CCDC183: variants seen among roughly 807,000 people sequenced by gnomAD.
CCDC183 encodes coiled-coil domain-containing protein 183.
In CCDC183, 63 loss-of-function variants were observed where a neutral mutation model predicts 65.2. That is an observed-to-expected ratio of 0.97 (90% CI 0.79 to 1.19). The LOEUF is 1.19. Ranked by LOEUF, CCDC183 falls within the 50% of genes most tolerant of loss-of-function variation. The probability of loss-of-function intolerance (pLI) is 0.00; values close to 1 mark genes in which losing one functional copy is unlikely to be tolerated. For synonymous variants in CCDC183, 323 were observed against 276.5 expected (o/e 1.17, Z -1.67); for missense variants, 769 against 689.3 (o/e 1.12, Z -1.30).
chr9:136,798,519 AC>A (rs1382035873), intron 1 of CCDC183, among the ~76,000 whole-genome samples: 5 of 151,430 alleles, frequency 3.3e-5, no homozygotes, highest in Non-Finnish European at 5.9e-5. Flanking sequence ...CTGGTCTCGA[AC>A]TCCTGACCAC....
chr9:136,804,396 C>G lies in CCDC183; in HGVS notation c.667-106C>G. Reference sequence around the variant, plus strand: ...GTGGCCATTGGCCGGGGATGCAGTTCCAAAGTCTAGTAAGGTGAGCATGGC... The same window carrying G: ...GTGGCCATTGGCCGGGGATGCAGTTGCAAAGTCTAGTAAGGTGAGCATGGC... On this transcript the variant is annotated intron_variant, in intron 6 of 13. Transcript: ENST00000338005. The surrounding 1 kb of genome is among the most constrained non-coding windows in gnomAD (Gnocchi z 4.1). The G allele has an allele frequency of 6.9e-7, 1 of 1,441,498 alleles. No individual in the cohort carries two copies. Among genetic ancestry groups the G allele is most frequent in the Non-Finnish European group, 9.2e-7 (1 of 1,083,294 alleles). The allele number at this position is 1,441,498 out of a possible 1,614,324, so 89.3% of individuals were successfully genotyped here. A position where few individuals can be genotyped will look rare whatever the true frequency, so the allele number is the denominator to read the frequency against.
chr9:136,797,439 T>G (rs1197398934), intron 1 of CCDC183, among the ~76,000 whole-genome samples: 1 of 81,738 alleles, frequency 1.2e-5, no homozygotes, highest in Non-Finnish European at 2.5e-5. Flanking sequence ...ACTTTGTGTC[T>G]TTTTTTTTTT....
intron 3 of CCDC183, 46 bp from the exon 4 acceptor site, chr9:136,799,956 C>T (rs1847710586): frequency 1.3e-6 from 2 of 1,551,176 alleles, no homozygotes; most frequent in East Asian, 2.4e-5. Flanking sequence ...GGCTCCATGG[C>T]GGCCCCCTAC....
In CCDC183 at chr9:136,803,588, C is replaced by T. The variant is rs144756984; in HGVS notation, c.666+802C>T. Among the ~76,000 whole-genome samples the T allele has an allele frequency of 3.0e-3, 451 of 152,306 alleles. 5 individuals carry two copies. In the Middle Eastern group the frequency reaches 0.078, roughly 26 times the overall value. On this transcript the variant is annotated intron_variant, in intron 6 of 13. Transcript: ENST00000338005. ...CCCTGTCCTCCTGAAGTGGGTGGCA[C>T]TCATCCAGTAGTCCATGAAGAAATG...
chr9:136,796,443 C>G lies in CCDC183; in HGVS notation c.46C>G (p.Leu16Val). 1.3e-6 allele frequency: 2 copies of G among 1,576,798 alleles called. No individual in the cohort carries two copies. The highest frequency in any genetic ancestry group is 1.7e-6 in the Non-Finnish European group (2 of 1,160,718). Residue 16 changes from leucine to valine, a missense_variant, in exon 1 of 14, where the codon CTG (leucine) becomes GTG (valine). Physicochemically the swap from Leu to Val is conservative, Grantham distance 32. Transcript: ENST00000338005. The part of the protein sequence containing the change: ...ETDVEEQTQE[L>V]KTITQLQEQC... The stretch of plus-strand genomic sequence containing the variant: ...AGATGTGGAAGAGCAGACCCAGGAG[C>G]TGAAGACCATCACTCAGCTCCAGGG...
rs1847712261 is a variant in CCDC183 at position 136,800,028 on chromosome 9, C to A, written c.297C>A (p.Tyr99Ter). 1.9e-6 allele frequency: 3 copies of A among 1,589,738 alleles called. No homozygotes were observed. Among genetic ancestry groups the A allele is most frequent in the African/African-American group, 1.3e-5 (1 of 74,642 alleles). ...TGGTGCGGGAGAAGCTGCGCAAGTA[C>A]GTCTTCGACCGCGTGAACATGCACA... ...MEVVREKLRK[Y>*]VFDRVNMHNL... Residue 99 changes from tyrosine (Y) to a stop codon, truncating the protein, a stop_gained, in exon 4 of 14, where the codon TAC (tyrosine) becomes TAA (stop). Transcript: ENST00000338005. LOFTEE classifies it high-confidence loss of function.
chr9:136,798,472 T>A (rs951838317), intron 1 of CCDC183, among the ~76,000 whole-genome samples: 10 of 151,566 alleles, frequency 6.6e-5, no homozygotes, highest in African/African-American at 2.4e-4. Context: ...TAGTTTTGTA[T>A]TTTTAGTAGA....
At position 136,807,721 on chromosome 9, in the gene CCDC183, CAAAT is replaced by C. The variant is rs1352298376; in HGVS notation, c.*35_*38del. 2 of 1,577,360 alleles carry C rather than the reference CAAAT, an allele frequency of 1.3e-6. No individual in the cohort carries two copies. The highest frequency in any genetic ancestry group is 1.7e-6 in the Non-Finnish European group (2 of 1,161,662). On this transcript the variant is annotated 3_prime_UTR_variant, in exon 14 of 14. Transcript: ENST00000338005. ...CCGCCCCGCTCCCTGCTTTGCTACA[CAAAT>C]AAACATTTTTCCAGGACTGCTGCGG...
intron 6 of CCDC183, 21 bp downstream of exon 6, chr9:136,802,807 T>TG (rs770930945): frequency 7.0e-7 from 1 of 1,432,060 alleles, no homozygotes; most frequent in Non-Finnish European, 9.2e-7. Flanking sequence ...GGCCCAGGGC[T>TG]GGGGGCCCCC....
intron 1 of CCDC183, among the ~76,000 whole-genome samples, chr9:136,797,886 T>C (rs2131126398): frequency 6.6e-6 from 1 of 152,360 alleles, no homozygotes; most frequent in South Asian, 2.1e-4. Flanking sequence ...AGTGGCATGA[T>C]CTCGGCTCAC....
At chr9:136,803,499 C>A (rs1033923621) in intron 6 of CCDC183, among the ~76,000 whole-genome samples, 4 of 152,170 alleles carry the variant, frequency 2.6e-5, no homozygotes, top group Non-Finnish European at 5.9e-5. Flanking sequence ...GTCACCTATT[C>A]ACCCAGTCTG....
Position 136,806,691 on chromosome 9 carries a change from A to T in CCDC183, c.1278+19A>T. ...GACCCAGGTACCGGGAGTGAGGCTG[A>T]GCTGCCACACACCAGGTCCCTGGGC... is the stretch of plus-strand genomic sequence containing the variant. On this transcript the variant is annotated intron_variant, in intron 11 of 13. Coordinates refer to ENST00000338005, the MANE Select transcript of CCDC183 (RefSeq NM_001039374.5). The T allele has an allele frequency of 8.1e-6, 13 of 1,613,246 alleles. No individual in the cohort carries two copies. Among genetic ancestry groups the T allele is most frequent in the Non-Finnish European group, 1.1e-5 (13 of 1,179,958 alleles).
chr9:136,807,340 G>A, intron 13 of CCDC183: 1 of 663,436 alleles, frequency 1.5e-6, no homozygotes, highest in South Asian at 1.9e-5. Context: ...GAGCAGGGAG[G>A]AGCGCGGTGA....
chr9:136,800,761 A>G (rs1395385185), intron 5 of CCDC183: 1 of 425,918 alleles, frequency 2.3e-6, no homozygotes, highest in African/African-American at 2.1e-5. Flanking sequence ...CTTGCCTGTC[A>G]TTTTCTCATT....
intron 1 of CCDC183, among the ~76,000 whole-genome samples, chr9:136,796,802 C>T (rs1188381409): frequency 6.6e-6 from 1 of 152,152 alleles, no homozygotes; most frequent in Non-Finnish European, 1.5e-5. Context: ...TCTTGATTAA[C>T]CAGGGACACA....
Position 136,805,385 on chromosome 9 carries a change from A to T in CCDC183, c.876A>T (p.Glu292Asp). The T allele has an allele frequency of 6.2e-7, 1 of 1,613,954 alleles. No individual in the cohort carries two copies. The highest frequency in any genetic ancestry group is 8.5e-7 in the Non-Finnish European group (1 of 1,179,938). The change falls in exon 9 of 14, where the codon GAA becomes GAT. Residue 292 changes from glutamate to aspartate, a missense_variant. Glu to Asp is a conservative substitution (Grantham distance 45). Coordinates refer to ENST00000338005, the MANE Select transcript of CCDC183 (RefSeq NM_001039374.5). ...KLRRKETSTA[E>D]MEYQSGVTAV... ...GGAGAAAAGAGACCTCCACAGCAGA[A>T]ATGGAATACCAGTCGGGCGTGACTG...
intron 9 of CCDC183, among the ~76,000 whole-genome samples, 180 bp from the exon 10 acceptor site, chr9:136,805,898 G>C (rs1365413795): frequency 1.3e-5 from 2 of 152,224 alleles, no homozygotes; most frequent in Non-Finnish European, 2.9e-5. Context: ...GGAAGCTGAG[G>C]TGGGAGGATC....
In CCDC183 at chr9:136,804,744, G is replaced by A. The variant is rs371803141; in HGVS notation, c.793-18G>A. The A allele has an allele frequency of 1.8e-5, 29 of 1,604,184 alleles. No homozygotes were observed. The highest frequency in any genetic ancestry group is 1.5e-4 in the African/African-American group (11 of 74,510). ...GCCAAGGATGTCTCATCCCTTCCCC[G>A]CCCCCACCTCCCATCAGGGCCAGAT... On this transcript the variant is annotated intron_variant, in intron 7 of 13. Coordinates refer to ENST00000338005, the MANE Select transcript of CCDC183 (RefSeq NM_001039374.5). This position sits in a 1 kb window ranked among gnomAD's most constrained non-coding sequence, Gnocchi z 4.1.
chr9:136,797,264 G>A (rs1232255808), intron 1 of CCDC183, among the ~76,000 whole-genome samples: 1 of 152,082 alleles, frequency 6.6e-6, no homozygotes, highest in Non-Finnish European at 1.5e-5. Context: ...TTGCTCACAT[G>A]TTTCCCTGCT....
Sources: allele counts gnomAD v4.1 joint callset (sites outside exome capture counted in the v4.1 genomes callset), GRCh38; gene constraint gnomAD v4.1.1; non-coding constraint Gnocchi (gnomAD v3.1); transcripts MANE v1.5; gene names NCBI Gene and HGNC (gene_info 2026-07-23, HGNC 2026-07-21).